Variants in PDE1A observed in about 807,000 individuals in gnomAD.
The protein encoded by PDE1A is dual specificity calcium/calmodulin-dependent 3',5'-cyclic nucleotide phosphodiesterase 1A.
PDE1A carries 35 observed loss-of-function variants against 61.7 expected under a neutral mutation model. The ratio of observed to expected loss-of-function variants is 0.57; its 90% CI spans 0.43 to 0.75. The LOEUF (loss-of-function observed/expected upper bound fraction) is 0.75, where lower values mean the gene tolerates loss of function less well. Among genes scored for constraint, PDE1A ranks in the 30% least tolerant of loss-of-function variants. The pLI is 0.00. For missense variants in PDE1A, 597 were observed against 630.6 expected (o/e 0.95, Z 0.57); for synonymous variants, 232 against 213.2 (o/e 1.09, Z -0.77).
intron 2 of PDE1A, among the ~76,000 whole-genome samples, chr2:182,479,328 T>C (rs2125837812): frequency 6.6e-6 from 1 of 152,064 alleles, no homozygotes; most frequent in African/African-American, 2.4e-5. Flanking sequence ...CAAAAGATAG[T>C]TATGTTGACA....
At chr2:182,690,154 G>T in the PDE1A span, among the ~76,000 whole-genome samples, 17 of 152,160 alleles carry the variant, frequency 1.1e-4, no homozygotes, top group Non-Finnish European at 2.2e-4. Flanking sequence ...AATAGAAAAA[G>T]AGGGAATCCT....
At chr2:182,333,839 C>A (rs1368966818) in intron 1 of PDE1A, among the ~76,000 whole-genome samples, 1 of 151,602 alleles carries the variant, frequency 6.6e-6, no homozygotes, top group Admixed American at 6.6e-5. Context: ...CTAGCCAGAC[C>A]AATAAAGAAG....
At chr2:182,494,835 T>C (rs1249991949) in intron 2 of PDE1A, among the ~76,000 whole-genome samples, 4 of 152,192 alleles carry the variant, frequency 2.6e-5, no homozygotes, top group Non-Finnish European at 5.9e-5. Context: ...CACTTTTATA[T>C]AGCAGATGCA....
intron 2 of PDE1A, chr2:182,241,930 C>T: frequency 6.6e-7 from 1 of 1,517,094 alleles, no homozygotes; most frequent in Non-Finnish European, 8.8e-7. Context: ...ATTAGATTCC[C>T]TAGCCCATTT....
intron 2 of PDE1A, among the ~76,000 whole-genome samples, chr2:182,252,319 TA>T (rs112891955): frequency 5.9e-5 from 9 of 152,086 alleles, no homozygotes; most frequent in Non-Finnish European, 2.9e-5. Context: ...TAAAAATGTT[TA>T]AAAAAACAAT....
intron 2 of PDE1A, among the ~76,000 whole-genome samples, chr2:182,443,304 A>G (rs545665718): frequency 8.5e-4 from 130 of 152,066 alleles, no homozygotes; most frequent in Non-Finnish European, 1.4e-3. Context: ...TTTAATTTAT[A>G]TTACATAAAA....
At chr2:182,145,426 C>T (rs1039431481), downstream of PDE1A, among the ~76,000 whole-genome samples, 3 of 151,946 alleles carry the variant, frequency 2.0e-5, no homozygotes, top group African/African-American at 4.8e-5. Flanking sequence ...TTGAGCGGGC[C>T]GCACACAAAT....
chr2:182,409,019 C>T (rs909458639), intron 1 of PDE1A, among the ~76,000 whole-genome samples: 1 of 152,180 alleles, frequency 6.6e-6, no homozygotes, highest in African/African-American at 2.4e-5. Context: ...TCCACAGTAG[C>T]TCCTTGGGCT....
intron 2 of PDE1A, among the ~76,000 whole-genome samples, chr2:182,518,259 CT>C (rs1690341214): frequency 6.6e-6 from 1 of 152,046 alleles, no homozygotes; most frequent in African/African-American, 2.4e-5. Flanking sequence ...ATGTATATTT[CT>C]GCTACATCCT....
chr2:182,172,224 C>T (rs1692290950), intron 13 of PDE1A, among the ~76,000 whole-genome samples: 1 of 151,942 alleles, frequency 6.6e-6, no homozygotes. Flanking sequence ...CAAAGTGGAG[C>T]AAACTTTCTT....
chr2:182,488,333 G>A (rs1325514782), intron 2 of PDE1A, among the ~76,000 whole-genome samples: 2 of 152,146 alleles, frequency 1.3e-5, no homozygotes, highest in Non-Finnish European at 2.9e-5. Context: ...AAGGGCTACA[G>A]TGGATTCTTC....
In PDE1A at chr2:182,264,290, T is replaced by C. The variant is rs762654766; in HGVS notation, c.167+11A>G. 1.3e-6 allele frequency: 2 copies of C among 1,570,590 alleles called. No individual in the cohort carries two copies. The highest frequency in any genetic ancestry group is 1.7e-6 in the Non-Finnish European group (2 of 1,143,620). On this transcript the variant is annotated intron_variant, in intron 2 of 13. Transcript: ENST00000351439. ...TCAAAGAAGATAAAAGAGAAGAAGG[T>C]TAAAACTTACCTTGTTTCATCGATA...
At chr2:182,146,439 A>G (rs576193852), downstream of PDE1A, among the ~76,000 whole-genome samples, 10 of 152,320 alleles carry the variant, frequency 6.6e-5, no homozygotes, top group African/African-American at 1.7e-4. Context: ...CATGATGTGG[A>G]AAAAGAAATG....
chr2:182,235,433 C>A (rs138364320), intron 3 of PDE1A, among the ~76,000 whole-genome samples: 5 of 152,192 alleles, frequency 3.3e-5, no homozygotes, highest in Non-Finnish European at 7.3e-5. Context: ...TGAGCCACCA[C>A]GCCCAGCCAA....
chr2:182,190,631 G>C (rs1284716287), intron 10 of PDE1A, among the ~76,000 whole-genome samples: 1 of 152,124 alleles, frequency 6.6e-6, no homozygotes, highest in African/African-American at 2.4e-5. Context: ...GACAGTGCCT[G>C]ACACTTAGTA....
At chr2:182,706,990 C>T in the PDE1A span, among the ~76,000 whole-genome samples, 1 of 152,254 alleles carries the variant, frequency 6.6e-6, no homozygotes, top group East Asian at 1.9e-4. Context: ...CAATAATCCA[C>T]TGTTCATTGT....
chr2:182,414,793 T>C (rs1426160065), intron 1 of PDE1A, among the ~76,000 whole-genome samples: 1 of 152,096 alleles, frequency 6.6e-6, no homozygotes, highest in East Asian at 1.9e-4. Context: ...AAATGATGTG[T>C]TGGTAGGCAG....
At chr2:182,657,795 C>T in the PDE1A span, among the ~76,000 whole-genome samples, 3 of 151,970 alleles carry the variant, frequency 2.0e-5, no homozygotes, top group African/African-American at 7.3e-5. Context: ...CCCCAGGTGG[C>T]TAAAAACATC....
At chr2:182,146,971 C>T, downstream of PDE1A, 1 of 619,048 alleles carries the variant, frequency 1.6e-6, no homozygotes, top group Non-Finnish European at 2.7e-6. Context: ...AAATTTCATC[C>T]ATAATGGTAT....
Sources: gnomAD v4.1 joint callset for allele counts (sites outside exome capture counted in the v4.1 genomes callset) on GRCh38, gnomAD v4.1.1 for gene constraint, MANE v1.5 for transcripts, NCBI Gene and HGNC (gene_info 2026-07-23, HGNC 2026-07-21) for gene names.